The following INPP5F variants were observed in gnomAD, a reference collection of about 807,000 sequenced individuals.
INPP5F encodes the protein phosphatidylinositide 4-phosphatase SAC2.
Under a neutral mutation model 137.2 loss-of-function variants are expected in INPP5F, and 97 were observed. The ratio of observed to expected loss-of-function variants is 0.71; its 90% confidence interval spans 0.60 to 0.84. The LOEUF (loss-of-function observed/expected upper bound fraction) is 0.84. Ranked by LOEUF, INPP5F falls within the 40% of genes least tolerant of loss-of-function variation. The probability of loss-of-function intolerance (pLI) is 0.00; values close to 1 mark genes in which losing one functional copy is unlikely to be tolerated. For synonymous variants in INPP5F, 504 were observed against 476.9 expected (o/e 1.06, Z -0.74); for missense variants, 1,271 against 1,371.9 (o/e 0.93, Z 1.16).
At chr10:119,803,032 A>T (rs760601994) in intron 9 of INPP5F, among the ~76,000 whole-genome samples, 30 of 151,486 alleles carry the variant, frequency 2.0e-4, no homozygotes, top group Non-Finnish European at 4.1e-4. Context: ...TTTCATGTGG[A>T]TTTTCTCTGT....
chr10:119,803,946 A>G (rs576283747), intron 9 of INPP5F, among the ~76,000 whole-genome samples: 116 of 152,334 alleles, frequency 7.6e-4, no homozygotes, highest in African/African-American at 2.7e-3. Context: ...TATTAATGTC[A>G]TTGATGTCAA....
rs1850397969 is a variant in INPP5F, at chr10:119,796,730, T to C, written c.685T>C (p.Phe229Leu). 1.2e-6 allele frequency: 2 copies of C among 1,613,548 alleles called. No individual in the cohort carries two copies. The highest frequency in any genetic ancestry group is 1.7e-5 in the Admixed American group (1 of 60,008). Reference sequence around the variant, plus strand: ...TTGTTTTCAGACTCCAGATGTGGACTTTTGGATTATCCCCATGATCCAAGG... The same window carrying C: ...TTGTTTTCAGACTCCAGATGTGGACCTTTGGATTATCCCCATGATCCAAGG... ...LTEIGTPDVDFWIIPMIQGFV... is the reference protein window; with the variant it reads ...LTEIGTPDVDLWIIPMIQGFV... Residue 229 changes from phenylalanine (F) to leucine (L), a missense_variant, in exon 7 of 20, where the codon TTT becomes CTT. By Grantham distance (22) the Phe-to-Leu change is conservative. Coordinates refer to ENST00000650623, the MANE Select transcript of INPP5F (RefSeq NM_014937.4).
intron 1 of INPP5F, among the ~76,000 whole-genome samples, chr10:119,742,350 G>A (rs1425424512): frequency 6.6e-6 from 1 of 152,004 alleles, no homozygotes; most frequent in Non-Finnish European, 1.5e-5. Context: ...TAGAGACAGG[G>A]TTTCACCATC....
chr10:119,806,053 T>A lies in INPP5F; in HGVS notation c.1320-307T>A, dbSNP rs1850768162. 2.0e-5 allele frequency among the ~76,000 whole-genome samples: 3 copies of A among 152,278 alleles called. 1 individual carries two copies. The highest frequency in any genetic ancestry group is 6.5e-5 in the Admixed American group (1 of 15,298). ...AACGGTGTTTTAAAGTGCCTTCTGT[T>A]TTTTTACATGTAGGAAAACATAACT... On this transcript the variant is annotated intron_variant, in intron 11 of 19. Coordinates refer to ENST00000650623, the MANE Select transcript of INPP5F (RefSeq NM_014937.4).
intron 1 of INPP5F, among the ~76,000 whole-genome samples, chr10:119,746,312 CT>C (rs991349753): frequency 6.6e-6 from 1 of 152,176 alleles, no homozygotes; most frequent in Non-Finnish European, 1.5e-5. Context: ...TGCTTTAACT[CT>C]GTTTTTTCCT....
intron 3 of INPP5F, among the ~76,000 whole-genome samples, chr10:119,785,308 C>T (rs1200018380): frequency 1.0e-4 from 6 of 59,358 alleles, no homozygotes; most frequent in African/African-American, 1.8e-4. Flanking sequence ...TTTTTGGAGA[C>T]GGAGCCTCGC....
intron 16 of INPP5F, among the ~76,000 whole-genome samples, chr10:119,821,453 G>T (rs955836808): frequency 6.6e-6 from 1 of 152,098 alleles, no homozygotes; most frequent in African/African-American, 2.4e-5. Context: ...GACTCTCAAT[G>T]AACAGTGCTA....
At chr10:119,762,337 A>G (rs539716656) in intron 2 of INPP5F, among the ~76,000 whole-genome samples, 3 of 152,186 alleles carry the variant, frequency 2.0e-5, no homozygotes, top group Non-Finnish European at 4.4e-5. Flanking sequence ...TTATTCATGG[A>G]TGGCCTCTTC....
intron 3 of INPP5F, among the ~76,000 whole-genome samples, chr10:119,784,066 A>G (rs1312528611): frequency 6.6e-6 from 1 of 152,242 alleles, no homozygotes; most frequent in East Asian, 1.9e-4. Context: ...AGTGAACAAC[A>G]GGAAGGGCAA....
At chr10:119,742,720 C>T (rs191954421) in intron 1 of INPP5F, among the ~76,000 whole-genome samples, 86 of 152,086 alleles carry the variant, frequency 5.7e-4, no homozygotes, top group African/African-American at 1.7e-3. Flanking sequence ...TGGCTTGGTG[C>T]GGTAGCTCAC....
chr10:119,745,220 A>G (rs749444511), intron 1 of INPP5F, among the ~76,000 whole-genome samples: 22 of 151,728 alleles, frequency 1.4e-4, no homozygotes, highest in African/African-American at 2.2e-4. Flanking sequence ...CCCTCTCCCT[A>G]TCCTCCACAT....
At chr10:119,747,292 C>T (rs1276410981) in intron 1 of INPP5F, among the ~76,000 whole-genome samples, 1 of 151,556 alleles carries the variant, frequency 6.6e-6, no homozygotes, top group Non-Finnish European at 1.5e-5. Context: ...GGTATGATCT[C>T]AGTTCACTGC....
intron 19 of INPP5F, among the ~76,000 whole-genome samples, 158 bp from the exon 20 acceptor site, chr10:119,826,471 CTG>C (rs1173520420): frequency 6.6e-6 from 1 of 152,086 alleles, no homozygotes; most frequent in Non-Finnish European, 1.5e-5. Flanking sequence ...TTGGATAGCA[CTG>C]TTTTAATGTC....
intron 1 of INPP5F, among the ~76,000 whole-genome samples, chr10:119,730,472 G>A (rs547924755): frequency 4.6e-5 from 7 of 152,316 alleles, no homozygotes; most frequent in African/African-American, 1.7e-4. Context: ...GTAATCTTCT[G>A]AGAGTAGAGT....
In INPP5F at chr10:119,818,442, G is replaced by C. The variant is rs374576680; in HGVS notation, c.1887-2404G>C. 5.3e-5 allele frequency among the ~76,000 whole-genome samples: 8 copies of C among 152,218 alleles called. No individual in the cohort carries two copies. The East Asian group carries it at 1.5e-3, about 29-fold the overall frequency. On this transcript the variant is annotated intron_variant, in intron 15 of 19. Coordinates refer to ENST00000650623, the MANE Select transcript of INPP5F (RefSeq NM_014937.4). ...GCATGCGATGGCCTAGGGGCCAGAC[G>C]CTCGGTGCAGTACCCTCGCCCGGCC... is the stretch of plus-strand genomic sequence containing the variant.
At chr10:119,819,768 T>C (rs1473238537) in intron 15 of INPP5F, 2 of 367,426 alleles carry the variant, frequency 5.4e-6, no homozygotes, top group Non-Finnish European at 9.7e-6. Flanking sequence ...TTGTTTTAGA[T>C]TAAGACTGTT....
chr10:119,740,434 A>G (rs1564801443), intron 1 of INPP5F, among the ~76,000 whole-genome samples: 1 of 152,224 alleles, frequency 6.6e-6, no homozygotes, highest in Non-Finnish European at 1.5e-5. Context: ...CTAGGCATTA[A>G]GATATTTGCG....
At chr10:119,752,500 G>A (rs1198238335) in intron 2 of INPP5F, among the ~76,000 whole-genome samples, 1 of 151,088 alleles carries the variant, frequency 6.6e-6, no homozygotes, top group Non-Finnish European at 1.5e-5. Context: ...CAGGAGAATC[G>A]CTTGAACCTG....
intron 3 of INPP5F, among the ~76,000 whole-genome samples, chr10:119,785,741 C>T (rs1849886108): frequency 6.6e-6 from 1 of 152,030 alleles, no homozygotes; most frequent in Admixed American, 6.5e-5. Context: ...TACCTGTAGT[C>T]ACAGGTACTC....
Sources: gnomAD v4.1 joint callset for allele counts (sites outside exome capture counted in the v4.1 genomes callset) on GRCh38, gnomAD v4.1.1 for gene constraint, MANE v1.5 for transcripts, NCBI Gene and HGNC (gene_info 2026-07-23, HGNC 2026-07-21) for gene names.